The following RAB11FIP3 variants were observed in gnomAD, a reference collection of about 807,000 sequenced individuals.
RAB11FIP3 encodes the protein RAB11 family interacting protein 3.
A neutral mutation model predicts 77.8 loss-of-function variants in RAB11FIP3; 17 were observed. That is an observed-to-expected ratio of 0.22 (90% CI 0.15 to 0.33). The LOEUF is 0.33. Among genes scored for constraint, RAB11FIP3 ranks in the 10% least tolerant of loss-of-function variants. The pLI is 1.00. For synonymous variants in RAB11FIP3, 437 were observed against 448.2 expected (o/e 0.98, Z 0.31); for missense variants, 1,005 against 1,011.2 (o/e 0.99, Z 0.08).
At chr16:503,197 C>G in intron 7 of RAB11FIP3, 100 bp downstream of exon 7, 1 of 875,232 alleles carries the variant, frequency 1.1e-6, no homozygotes, top group Non-Finnish European at 1.8e-6. Context: ...GACAGCACAG[C>G]CGGAGGTGAC....
In RAB11FIP3 at chr16:514,421, G is replaced by A. The variant is rs544163840; in HGVS notation, c.1640+3621G>A. ...AGGCAGGACTCCCAGCACCTGCGTC[G>A]GAACCTCCTGGGAACAGCAGGGGCG... On this transcript the variant is annotated intron_variant, in intron 9 of 13. Transcript: ENST00000262305. The surrounding 1 kb of genome is among the most constrained non-coding windows in gnomAD (Gnocchi z 4.6). 2.6e-5 allele frequency among the ~76,000 whole-genome samples: 4 copies of A among 152,350 alleles called. No homozygotes were observed. Among genetic ancestry groups the A allele is most frequent in the African/African-American group, 9.6e-5 (4 of 41,578 alleles).
At chr16:482,473 G>T (rs542767839) in intron 3 of RAB11FIP3, 52 bp from the exon 4 acceptor site, 1 of 1,560,122 alleles carries the variant, frequency 6.4e-7, no homozygotes, top group Non-Finnish European at 8.8e-7. Flanking sequence ...TGGGGCGTTC[G>T]CAGTTCCCCT....
At chr16:455,133 T>C (rs2055480455) in intron 1 of RAB11FIP3, among the ~76,000 whole-genome samples, 2 of 151,266 alleles carry the variant, frequency 1.3e-5, no homozygotes, top group South Asian at 4.2e-4. Flanking sequence ...ATAAGCTTTC[T>C]TGTCTGTTCT....
At chr16:441,907 T>C (rs1398125968) in intron 1 of RAB11FIP3, among the ~76,000 whole-genome samples, 10 of 152,336 alleles carry the variant, frequency 6.6e-5, no homozygotes, top group Non-Finnish European at 1.2e-4. Flanking sequence ...GGCACCATGT[T>C]GGCTCACTGT....
chr16:501,050 A>T (rs1056283518), intron 6 of RAB11FIP3, among the ~76,000 whole-genome samples: 1 of 152,164 alleles, frequency 6.6e-6, no homozygotes, highest in Non-Finnish European at 1.5e-5. Context: ...CCAGAAGGGC[A>T]CCGGTGTGTT....
intron 1 of RAB11FIP3, among the ~76,000 whole-genome samples, chr16:457,000 G>A (rs2055515522): frequency 6.6e-6 from 1 of 152,040 alleles, no homozygotes; most frequent in South Asian, 2.1e-4. Context: ...CTGATCTAGT[G>A]TGAAGTTTAC....
At position 465,575 on chromosome 16, in the gene RAB11FIP3, G is replaced by A. The variant is rs563396572; in HGVS notation, c.808+4078G>A. On this transcript the variant is annotated intron_variant, in intron 2 of 13. Transcript: ENST00000262305. ...AGTAGATGCGAGCTTAGAGGGGAGT[G>A]TGGGCGGCCTGTCAGTAGCCACGGC... Among the ~76,000 whole-genome samples the A allele has an allele frequency of 9.2e-5, 14 of 152,264 alleles. No homozygotes were observed. The South Asian group carries it at 1.0e-3, about 11-fold the overall frequency.
At chr16:512,970 CTG>C (rs922718754) in intron 9 of RAB11FIP3, among the ~76,000 whole-genome samples, 5 of 152,090 alleles carry the variant, frequency 3.3e-5, no homozygotes, top group African/African-American at 1.2e-4. Context: ...GCGTGAGCCA[CTG>C]TGCCCGCCGA....
chr16:481,200 C>G (rs1336097077), intron 3 of RAB11FIP3, among the ~76,000 whole-genome samples: 1 of 152,042 alleles, frequency 6.6e-6, no homozygotes, highest in Non-Finnish European at 1.5e-5. Context: ...TCACTGCAGC[C>G]TCGACCTTTT....
intron 3 of RAB11FIP3, chr16:482,263 C>A: frequency 1.6e-6 from 1 of 629,504 alleles, no homozygotes; most frequent in South Asian, 1.6e-5. Flanking sequence ...ACTTTGTTGG[C>A]CAGGCTGGTC....
rs74382987 is a variant in RAB11FIP3, at chr16:458,304, G to A, written c.715-3100G>A. Among the ~76,000 whole-genome samples the A allele has an allele frequency of 0.013, 1,948 of 152,366 alleles. 114 individuals are homozygous for A. In the East Asian group the frequency reaches 0.17, roughly 14 times the overall value. ...ATCCTTTTCCTGAAACAGAGCAGCT[G>A]TGTCCTGGCATCTCCAGCAGGGCTG... On this transcript the variant is annotated intron_variant, in intron 1 of 13. Transcript: ENST00000262305.
chr16:478,195 CTTTT>C (rs570923279), intron 3 of RAB11FIP3, among the ~76,000 whole-genome samples: 1 of 140,158 alleles, frequency 7.1e-6, no homozygotes. Context: ...CTGTCTACTT[CTTTT>C]TTTTTTTTTT....
chr16:520,142 GC>G lies in RAB11FIP3; in HGVS notation c.1882del (p.Gln628SerfsTer43). 6.5e-7 allele frequency: 1 copy of G among 1,546,186 alleles called. No individual in the cohort carries two copies. Among genetic ancestry groups the G allele is most frequent in the Non-Finnish European group, 8.7e-7 (1 of 1,147,724 alleles). On this transcript the variant is annotated frameshift_variant, in exon 12 of 14. Coordinates refer to ENST00000262305, the MANE Select transcript of RAB11FIP3 (RefSeq NM_014700.4). LOFTEE classifies it high-confidence loss of function. ...TGCAGCTGATCGAGGACCTCCGAAA[GC>G]AGCTGGAGCACCTGCAGCTCCTCAA... ...TQELIEDLRK[Q>X]LEHLQLLKLE... is the part of the protein sequence containing the mutation.
rs1312174854 is a variant in RAB11FIP3, at chr16:506,491, G to C, written c.1499+864G>C. ...CGGCTCTTCCACATATTCTCAGCTC[G>C]GCCAAGGGCCCTGTCCCTTGAAGCT... On this transcript the variant is annotated intron_variant, in intron 8 of 13. Coordinates refer to ENST00000262305, the MANE Select transcript of RAB11FIP3 (RefSeq NM_014700.4). This position sits in a 1 kb window ranked among gnomAD's most constrained non-coding sequence, Gnocchi z 4.5. Among the ~76,000 whole-genome samples, 1 of 152,124 alleles carries C rather than the reference G, an allele frequency of 6.6e-6. No homozygotes were observed. The highest frequency in any genetic ancestry group is 2.1e-4 in the South Asian group (1 of 4,826).
At chr16:463,487 G>T (rs1355376692) in intron 2 of RAB11FIP3, among the ~76,000 whole-genome samples, 4 of 127,252 alleles carry the variant, frequency 3.1e-5, no homozygotes, top group African/African-American at 1.2e-4. Context: ...TGCCCAAGCT[G>T]AAGTGCAATG....
rs934999615 is a variant in RAB11FIP3 at position 472,010 on chromosome 16, C to T, written c.903+621C>T. Among the ~76,000 whole-genome samples, 5 of 152,164 alleles carry T rather than the reference C, an allele frequency of 3.3e-5. No individual in the cohort carries two copies. The highest frequency in any genetic ancestry group is 1.3e-4 in the Admixed American group (2 of 15,280). The stretch of plus-strand genomic sequence containing the variant: ...TTGAACTTGAGCCCTTGGGGGCCGC[C>T]GGGAAGGTGGAGGTGGCAGCCGCCA... On this transcript the variant is annotated intron_variant, in intron 3 of 13. Transcript: ENST00000262305. This position sits in a 1 kb window ranked among gnomAD's most constrained non-coding sequence, Gnocchi z 4.1.
intron 9 of RAB11FIP3, among the ~76,000 whole-genome samples, chr16:511,535 A>G (rs1336158958): frequency 9.5e-4 from 48 of 50,360 alleles, no homozygotes; most frequent in South Asian, 1.3e-3. Flanking sequence ...AGGTAGGAGA[A>G]GTTCCCCGAC....
At chr16:502,877 C>T in intron 6 of RAB11FIP3, 127 bp from the exon 7 acceptor site, 1 of 759,160 alleles carries the variant, frequency 1.3e-6, no homozygotes, top group Non-Finnish European at 2.3e-6. Flanking sequence ...CCACCCAGAT[C>T]AGGGGAGGAC....
intron 6 of RAB11FIP3, chr16:502,650 C>T (rs569928815): frequency 1.2e-5 from 4 of 333,714 alleles, no homozygotes; most frequent in African/African-American, 2.2e-5. Flanking sequence ...CGAGATTGTT[C>T]GTGTCTCTGC....
Sources: gnomAD v4.1 joint callset for allele counts (sites outside exome capture counted in the v4.1 genomes callset) on GRCh38, gnomAD v4.1.1 for gene constraint, Gnocchi (gnomAD v3.1) non-coding constraint, MANE v1.5 for transcripts, NCBI Gene and HGNC (gene_info 2026-07-23, HGNC 2026-07-21) for gene names.